CPA6: variants seen among roughly 807,000 people sequenced by gnomAD.
The protein encoded by CPA6 is carboxypeptidase A6, also known as carboxypeptidase B.
A neutral mutation model predicts 63.3 loss-of-function variants in CPA6; 58 were observed. That is an observed-to-expected ratio of 0.92 (90% CI 0.74 to 1.14). CPA6 has a LOEUF of 1.14. Among genes scored for constraint, CPA6 ranks in the 50% most tolerant of loss-of-function variants. The pLI, the probability that CPA6 is intolerant of heterozygous loss-of-function variation, is 0.00. For synonymous variants in CPA6, 185 were observed against 179.0 expected, an observed-to-expected ratio of 1.03 and a Z score of -0.27; for missense variants, 565 against 526.6, an observed-to-expected ratio of 1.07 and a Z score of -0.71.
chr8:67,523,947 AG>A (rs1474217363), intron 2 of CPA6, among the ~76,000 whole-genome samples: 1 of 152,238 alleles, frequency 6.6e-6, no homozygotes. Context: ...GGTTTGGAAA[AG>A]GGTTAGGCAG....
intron 1 of CPA6, among the ~76,000 whole-genome samples, chr8:67,744,659 C>A (rs560957066): frequency 6.6e-6 from 1 of 152,226 alleles, no homozygotes; most frequent in African/African-American, 2.4e-5. Flanking sequence ...AGAATTAAGT[C>A]CCCCACAACC....
intron 3 of CPA6, among the ~76,000 whole-genome samples, chr8:67,514,063 T>C (rs1812095195): frequency 6.6e-6 from 1 of 151,848 alleles, no homozygotes; most frequent in African/African-American, 2.4e-5. Flanking sequence ...GTTCAAGCGA[T>C]TCTCATGTCT....
At chr8:67,599,295 G>A (rs1211652229) in intron 2 of CPA6, among the ~76,000 whole-genome samples, 1 of 152,182 alleles carries the variant, frequency 6.6e-6, no homozygotes. Flanking sequence ...CTGTAAACTT[G>A]ATGCTTCAAC....
intron 2 of CPA6, among the ~76,000 whole-genome samples, chr8:67,537,916 T>C (rs548962915): frequency 5.8e-4 from 88 of 152,328 alleles, no homozygotes; most frequent in African/African-American, 2.0e-3. Flanking sequence ...AAAGAACTTA[T>C]TTATTTCTGC....
intron 1 of CPA6, among the ~76,000 whole-genome samples, chr8:67,726,750 C>T (rs1284304449): frequency 2.6e-5 from 4 of 152,170 alleles, no homozygotes; most frequent in South Asian, 2.1e-4. Context: ...TATTCTAAGC[C>T]GAAAGGCCTC....
chr8:67,742,744 T>C (rs1275663977), intron 1 of CPA6, among the ~76,000 whole-genome samples: 1 of 152,142 alleles, frequency 6.6e-6, no homozygotes, highest in Non-Finnish European at 1.5e-5. Context: ...TTGTCTAAGA[T>C]AACAGAGCTA....
chr8:67,689,800 A>T (rs1816780049), intron 1 of CPA6, among the ~76,000 whole-genome samples: 1 of 152,148 alleles, frequency 6.6e-6, no homozygotes, highest in Admixed American at 6.5e-5. Context: ...CAGTAATGGG[A>T]TTACTGGGTT....
intron 1 of CPA6, among the ~76,000 whole-genome samples, chr8:67,739,787 C>G (rs1276982887): frequency 3.3e-5 from 5 of 152,056 alleles, no homozygotes. Context: ...AACAGGGAGC[C>G]AAAGTAGGTC....
chr8:67,746,229 G>A lies in CPA6; in HGVS notation c.-100C>T. ...CACACCGCACAGGTTCTCCGGGAAG[G>A]GGGTGGGCGAGGAAGGTTGAGAGTG... On this transcript the variant is annotated 5_prime_UTR_variant, in exon 1 of 11. Coordinates refer to ENST00000297770, the MANE Select transcript of CPA6 (RefSeq NM_020361.5). 1.3e-6 allele frequency: 1 copy of A among 759,466 alleles called. No homozygotes were observed. Among genetic ancestry groups the A allele is most frequent in the Non-Finnish European group, 2.1e-6 (1 of 481,596 alleles). The allele number at this position is 759,466 out of a possible 1,614,324, so 47.0% of individuals were successfully genotyped here. A position where few individuals can be genotyped will look rare whatever the true frequency, so the allele number is the denominator to read the frequency against.
intron 2 of CPA6, among the ~76,000 whole-genome samples, chr8:67,613,199 T>C (rs1814855866): frequency 6.6e-6 from 1 of 152,240 alleles, no homozygotes; most frequent in African/African-American, 2.4e-5. Context: ...GTTTGCTCCA[T>C]CATTTTACAA....
chr8:67,605,432 AC>A (rs1391298256), intron 2 of CPA6, among the ~76,000 whole-genome samples: 1 of 152,084 alleles, frequency 6.6e-6, no homozygotes, highest in Non-Finnish European at 1.5e-5. Context: ...TCTCCTGTAT[AC>A]CTTAAAACAA....
At chr8:67,476,194 G>C (rs1207965172) in intron 8 of CPA6, among the ~76,000 whole-genome samples, 1 of 151,812 alleles carries the variant, frequency 6.6e-6, no homozygotes, top group African/African-American at 2.4e-5. Flanking sequence ...GTAGAGGTGG[G>C]GTTTCACCAT....
intron 1 of CPA6, among the ~76,000 whole-genome samples, chr8:67,685,638 T>TA (rs1175931599): frequency 4.6e-5 from 7 of 151,978 alleles, no homozygotes; most frequent in African/African-American, 1.2e-4. Context: ...AAATAAAAAA[T>TA]AAAAAAACTA....
chr8:67,450,096 A>C (rs1333458864), intron 8 of CPA6, among the ~76,000 whole-genome samples: 1 of 150,500 alleles, frequency 6.6e-6, no homozygotes, highest in Admixed American at 6.6e-5. Context: ...GATTACAGGC[A>C]TGAGCCACCG....
intron 8 of CPA6, among the ~76,000 whole-genome samples, chr8:67,455,218 G>C (rs899405779): frequency 1.3e-5 from 2 of 152,170 alleles, no homozygotes; most frequent in Non-Finnish European, 2.9e-5. Flanking sequence ...TCATGAGGCT[G>C]TGCTCCAGTT....
chr8:67,427,518 A>AG (rs762924266), intron 10 of CPA6, among the ~76,000 whole-genome samples: 9 of 152,184 alleles, frequency 5.9e-5, no homozygotes, highest in South Asian at 2.1e-4. Context: ...ATGGGAGATG[A>AG]GGGGGGGTTG....
rs1011980956 is a variant in CPA6 at position 67,438,634 on chromosome 8, T to C, written c.839-4394A>G. ...GAGAGCCTACTCTACATATCTCATA[T>C]CTACAGCGATATGAGAATCGCAGGT... On this transcript the variant is annotated intron_variant, in intron 8 of 10. Transcript: ENST00000297770. Among the ~76,000 whole-genome samples the C allele has an allele frequency of 3.9e-5, 6 of 152,268 alleles. No individual in the cohort carries two copies. In the South Asian group the frequency reaches 1.2e-3, roughly 32 times the overall value.
chr8:67,710,152 G>T (rs2129000161), intron 1 of CPA6, among the ~76,000 whole-genome samples: 1 of 151,994 alleles, frequency 6.6e-6, no homozygotes, highest in South Asian at 2.1e-4. Context: ...TTTGTTAAAA[G>T]AATTAAGCTT....
rs34738646 is a variant in CPA6 at position 67,697,766 on chromosome 8, G to GAA, written c.116+48246_116+48247dup. 5.2e-3 allele frequency among the ~76,000 whole-genome samples: 783 copies of GAA among 149,630 alleles called. 6 individuals are homozygous for GAA. Among genetic ancestry groups the GAA allele is most frequent in the African/African-American group, 0.016 (668 of 41,016 alleles). On this transcript the variant is annotated intron_variant, in intron 1 of 10. Coordinates refer to ENST00000297770, the MANE Select transcript of CPA6 (RefSeq NM_020361.5). ...TCTACTCAGGATGTTGCAGTCGCAG[G>GAA]AAAAAAAAAACTAATTTTATAATTA...
Sources: gnomAD v4.1 joint callset for allele counts (sites outside exome capture counted in the v4.1 genomes callset) on GRCh38, gnomAD v4.1.1 for gene constraint, MANE v1.5 for transcripts, NCBI Gene and HGNC (gene_info 2026-07-23, HGNC 2026-07-21) for gene names.